Variants in GRAMD1C observed in about 807,000 individuals in gnomAD.
GRAMD1C encodes the protein protein Aster-C.
GRAMD1C carries 89 observed loss-of-function variants against 97.8 expected under a neutral mutation model. The observed-to-expected ratio is 0.91, with a 90% CI of 0.77 to 1.09. The LOEUF (loss-of-function observed/expected upper bound fraction) is 1.09. GRAMD1C is among the 50% of genes least tolerant of loss of function. The pLI is 0.00. For synonymous variants in GRAMD1C, 256 were observed against 267.0 expected, an observed-to-expected ratio of 0.96 and a Z score of 0.40; for missense variants, 740 against 766.4, an observed-to-expected ratio of 0.97 and a Z score of 0.41.
chr3:113,914,579 C>T (rs1180562490), intron 9 of GRAMD1C, among the ~76,000 whole-genome samples: 2 of 152,074 alleles, frequency 1.3e-5, no homozygotes, highest in Non-Finnish European at 2.9e-5. Flanking sequence ...GGGGCATCAT[C>T]CTTGAGATAA....
intron 10 of GRAMD1C, among the ~76,000 whole-genome samples, chr3:113,926,373 A>G (rs1006595130): frequency 1.2e-4 from 19 of 152,100 alleles, no homozygotes; most frequent in African/African-American, 4.1e-4. Context: ...TCAGATCAGT[A>G]TGATTCTTTC....
chr3:113,919,829 A>G, intron 10 of GRAMD1C: 2 of 642,036 alleles, frequency 3.1e-6, no homozygotes, highest in Admixed American at 3.9e-5. Context: ...AAGAATAAAA[A>G]TACAACATAT....
intron 17 of GRAMD1C, among the ~76,000 whole-genome samples, chr3:113,943,579 C>T (rs547775823): frequency 2.0e-5 from 3 of 152,306 alleles, no homozygotes; most frequent in African/African-American, 7.2e-5. Flanking sequence ...AGATTGGCTT[C>T]TTTCACTTAG....
At chr3:113,859,609 T>C (rs1934286362) in intron 2 of GRAMD1C, among the ~76,000 whole-genome samples, 1 of 152,170 alleles carries the variant, frequency 6.6e-6, no homozygotes, top group African/African-American at 2.4e-5. Context: ...AAAATACATG[T>C]TACTGAATGT....
chr3:113,919,798 A>G, intron 10 of GRAMD1C: 1 of 620,364 alleles, frequency 1.6e-6, no homozygotes, highest in Admixed American at 2.0e-5. Context: ...TAATTGTTGG[A>G]AAAATTTACT....
intron 2 of GRAMD1C, among the ~76,000 whole-genome samples, chr3:113,851,844 CA>C (rs1933921343): frequency 6.6e-6 from 1 of 151,832 alleles, no homozygotes; most frequent in Non-Finnish European, 1.5e-5. Context: ...TGCAAAAAAT[CA>C]GAAGCCTTTA....
intron 1 of GRAMD1C, among the ~76,000 whole-genome samples, chr3:113,833,091 TTTC>T (rs1290068139): frequency 1.1e-3 from 169 of 151,210 alleles, no homozygotes; most frequent in African/African-American, 3.8e-3. Flanking sequence ...CTTCAAATTT[TTTC>T]TTTTCTTTTC....
At position 113,852,658 on chromosome 3, in the gene GRAMD1C, C is replaced by T. The variant is rs375027541; in HGVS notation, c.174+8009C>T. Reference sequence around the variant, plus strand: ...GGGAACTGATTACCAGAGTTGTAAGCCCATAAGCTAATGCCGAGGTACCCG... The same window carrying T: ...GGGAACTGATTACCAGAGTTGTAAGTCCATAAGCTAATGCCGAGGTACCCG... On this transcript the variant is annotated intron_variant, in intron 2 of 17. Coordinates refer to ENST00000358160, the MANE Select transcript of GRAMD1C (RefSeq NM_017577.5). 2.9e-4 allele frequency among the ~76,000 whole-genome samples: 44 copies of T among 152,146 alleles called. No individual in the cohort carries two copies. The South Asian group carries it at 8.3e-3, about 29-fold the overall frequency.
intron 5 of GRAMD1C, among the ~76,000 whole-genome samples, chr3:113,882,215 G>A (rs1935295092): frequency 6.6e-6 from 1 of 152,170 alleles, no homozygotes; most frequent in Non-Finnish European, 1.5e-5. Context: ...TCAAAGGAAA[G>A]TGCAGTGTTA....
At chr3:113,938,847 G>A (rs1937635744) in intron 15 of GRAMD1C, 1 of 152,122 alleles carries the variant, frequency 6.6e-6, no homozygotes, top group Non-Finnish European at 1.5e-5. Flanking sequence ...TATATTGAAG[G>A]TGATAATTTT....
At chr3:113,840,209 G>T (rs1483234701) in intron 1 of GRAMD1C, among the ~76,000 whole-genome samples, 2 of 151,986 alleles carry the variant, frequency 1.3e-5, no homozygotes, top group Non-Finnish European at 2.9e-5. Context: ...CTCATGATCC[G>T]CCCGCCTCGG....
chr3:113,906,133 G>A (rs1936364204), intron 8 of GRAMD1C, among the ~76,000 whole-genome samples: 1 of 152,046 alleles, frequency 6.6e-6, no homozygotes, highest in Non-Finnish European at 1.5e-5. Flanking sequence ...GGCCTATAAA[G>A]GTATAGCACA....
At chr3:113,885,496 G>T in intron 6 of GRAMD1C, 2 of 1,606,532 alleles carry the variant, frequency 1.2e-6, no homozygotes. Context: ...CCTGGTGCTG[G>T]ATCTGGATGA....
intron 9 of GRAMD1C, among the ~76,000 whole-genome samples, chr3:113,914,833 G>A (rs1439344256): frequency 1.3e-5 from 2 of 152,026 alleles, no homozygotes; most frequent in Non-Finnish European, 2.9e-5. Flanking sequence ...TTATTTCTGT[G>A]ATTCTGTTTC....
chr3:113,904,826 T>G (rs1029292918), intron 8 of GRAMD1C, among the ~76,000 whole-genome samples: 3 of 152,108 alleles, frequency 2.0e-5, no homozygotes, highest in African/African-American at 4.8e-5. Flanking sequence ...GCACATCAGT[T>G]TTTTGTTTTT....
chr3:113,850,777 T>A, intron 2 of GRAMD1C: 2 of 891,762 alleles, frequency 2.2e-6, no homozygotes, highest in Non-Finnish European at 3.2e-6. Flanking sequence ...AGGATATACT[T>A]AATTTTTTTT....
chr3:113,917,135 A>T (rs1936841493), intron 10 of GRAMD1C, among the ~76,000 whole-genome samples: 1 of 151,966 alleles, frequency 6.6e-6, no homozygotes, highest in Non-Finnish European at 1.5e-5. Context: ...ATAGATTGAG[A>T]CTCTGTCTCA....
intron 5 of GRAMD1C, among the ~76,000 whole-genome samples, chr3:113,879,436 C>T (rs1935179074): frequency 6.6e-6 from 1 of 152,084 alleles, no homozygotes; most frequent in African/African-American, 2.4e-5. Context: ...CCACCCTCAC[C>T]TGCTCTGGTT....
chr3:113,917,793 A>G (rs1019007732), intron 10 of GRAMD1C, among the ~76,000 whole-genome samples: 1 of 149,770 alleles, frequency 6.7e-6, no homozygotes, highest in African/African-American at 2.5e-5. Context: ...CCTGGGCTCA[A>G]GCGATTCTTG....
Sources: gnomAD v4.1 joint callset for allele counts (sites outside exome capture counted in the v4.1 genomes callset) on GRCh38, gnomAD v4.1.1 for gene constraint, MANE v1.5 for transcripts, NCBI Gene and HGNC (gene_info 2026-07-23, HGNC 2026-07-21) for gene names.